FGD4: variants seen among roughly 807,000 people sequenced by gnomAD.
The protein encoded by FGD4 is FYVE, RhoGEF and PH domain-containing protein 4.
In FGD4, 42 loss-of-function variants were observed where a neutral mutation model predicts 102.0. The observed-to-expected ratio is 0.41, with a 90% CI of 0.32 to 0.53. The LOEUF (loss-of-function observed/expected upper bound fraction) is 0.53, where lower values mean the gene tolerates loss of function less well. Ranked by LOEUF, FGD4 falls within the 20% of genes least tolerant of loss-of-function variation. FGD4 has a pLI of 0.21. For synonymous variants in FGD4, 380 were observed against 375.7 expected, an observed-to-expected ratio of 1.01 and a Z score of -0.13; for missense variants, 902 against 1,078.2, an observed-to-expected ratio of 0.84 and a Z score of 2.29.
At chr12:32,538,897 A>G (rs1391235398) in intron 1 of FGD4, among the ~76,000 whole-genome samples, 1 of 152,144 alleles carries the variant, frequency 6.6e-6, no homozygotes, top group Non-Finnish European at 1.5e-5. Context: ...TAGTAAAGAT[A>G]CAAAAAATCA....
chr12:32,617,839 ATCT>A (rs1436684360), intron 10 of FGD4, among the ~76,000 whole-genome samples: 1 of 152,246 alleles, frequency 6.6e-6, no homozygotes, highest in East Asian at 1.9e-4. Flanking sequence ...ATATGACATA[ATCT>A]TCTTTGTAAG....
intron 4 of FGD4, among the ~76,000 whole-genome samples, chr12:32,590,201 A>G (rs529609200): frequency 6.6e-6 from 1 of 150,796 alleles, no homozygotes; most frequent in African/African-American, 2.4e-5. Flanking sequence ...CCAGCTACTC[A>G]GTGGGTGCTG....
At chr12:32,565,254 C>A (rs1945093218) in intron 2 of FGD4, among the ~76,000 whole-genome samples, 1 of 152,020 alleles carries the variant, frequency 6.6e-6, no homozygotes, top group Non-Finnish European at 1.5e-5. Context: ...AATGAATCTT[C>A]TAGATTATGG....
chr12:32,570,839 G>C (rs1945603304), intron 2 of FGD4, among the ~76,000 whole-genome samples: 1 of 152,132 alleles, frequency 6.6e-6, no homozygotes, highest in East Asian at 1.9e-4. Flanking sequence ...GTAAGATCCA[G>C]TTCTTCACAG....
chr12:32,570,807 T>C (rs1174700244), intron 2 of FGD4, among the ~76,000 whole-genome samples: 3 of 152,148 alleles, frequency 2.0e-5, no homozygotes, highest in Non-Finnish European at 4.4e-5. Context: ...TTCCAGATAA[T>C]ACAAAAGTCT....
chr12:32,500,474 C>T (rs1219300188), intron 1 of FGD4, among the ~76,000 whole-genome samples: 1 of 149,796 alleles, frequency 6.7e-6, no homozygotes, highest in African/African-American at 2.5e-5. Flanking sequence ...CACTCTGTTA[C>T]CCAGGCTGGA....
At chr12:32,442,346 C>G (rs1014329410) in intron 1 of FGD4, among the ~76,000 whole-genome samples, 40 of 152,078 alleles carry the variant, frequency 2.6e-4, no homozygotes, top group Non-Finnish European at 8.8e-5. Flanking sequence ...AGCCACTGCG[C>G]CCGGCCAGGA....
intron 2 of FGD4, among the ~76,000 whole-genome samples, chr12:32,573,294 A>C (rs915584506): frequency 1.3e-5 from 2 of 152,268 alleles, no homozygotes; most frequent in African/African-American, 4.8e-5. Context: ...ACGAGGTTTC[A>C]CCGTGTTAGC....
chr12:32,632,116 T>C (rs549970960), intron 14 of FGD4, among the ~76,000 whole-genome samples: 2 of 152,214 alleles, frequency 1.3e-5, no homozygotes, highest in East Asian at 3.8e-4. Context: ...TTTTCTTTAA[T>C]ATAATTTATC....
At chr12:32,552,434 A>ATTTTTT (rs66646521) in intron 1 of FGD4, among the ~76,000 whole-genome samples, 91 of 120,968 alleles carry the variant, frequency 7.5e-4, no homozygotes, top group Middle Eastern at 8.6e-3. Context: ...TAATTTTTGC[A>ATTTTTT]TTTTTTTTTT....
intron 1 of FGD4, among the ~76,000 whole-genome samples, chr12:32,413,852 T>A (rs1191421187): frequency 6.6e-6 from 1 of 152,194 alleles, no homozygotes; most frequent in Non-Finnish European, 1.5e-5. Flanking sequence ...GCAATTGTAT[T>A]CTTTGGGGGT....
At chr12:32,454,638 T>C (rs1942902045) in intron 1 of FGD4, among the ~76,000 whole-genome samples, 1 of 152,172 alleles carries the variant, frequency 6.6e-6, no homozygotes, top group Non-Finnish European at 1.5e-5. Context: ...TCATACTAAA[T>C]GATTGTTTTA....
chr12:32,473,354 C>T (rs950567235), intron 1 of FGD4, among the ~76,000 whole-genome samples: 6 of 120,446 alleles, frequency 5.0e-5, no homozygotes, highest in African/African-American at 1.7e-4. Flanking sequence ...AGCTGTAACA[C>T]TCACCGCGAA....
chr12:32,410,247 G>C (rs939587642), intron 1 of FGD4, among the ~76,000 whole-genome samples: 19 of 151,892 alleles, frequency 1.3e-4, no homozygotes, highest in Admixed American at 1.2e-3. Context: ...AGAATGGCGT[G>C]AACCTGGGAG....
At chr12:32,422,438 A>C (rs1319302263) in intron 1 of FGD4, among the ~76,000 whole-genome samples, 1 of 150,876 alleles carries the variant, frequency 6.6e-6, no homozygotes, top group African/African-American at 2.4e-5. Flanking sequence ...AGCTGGGACT[A>C]CAGGCGCCCG....
At chr12:32,466,151 T>G (rs1161669653) in intron 1 of FGD4, among the ~76,000 whole-genome samples, 1 of 152,198 alleles carries the variant, frequency 6.6e-6, no homozygotes, top group African/African-American at 2.4e-5. Context: ...CAAACTACAG[T>G]GTATTGTAAA....
At chr12:32,414,150 T>G (rs774483664) in intron 1 of FGD4, among the ~76,000 whole-genome samples, 19 of 152,048 alleles carry the variant, frequency 1.2e-4, no homozygotes, top group Non-Finnish European at 2.6e-4. Context: ...TTTTATATTT[T>G]TAGTAGAGAC....
chr12:32,550,107 A>G (rs556813797), intron 1 of FGD4, among the ~76,000 whole-genome samples: 3 of 152,300 alleles, frequency 2.0e-5, no homozygotes, highest in East Asian at 3.9e-4. Context: ...CCCATTAGCC[A>G]TGAGTTACTT....
chr12:32,457,072 G>C (rs563293329), intron 1 of FGD4, among the ~76,000 whole-genome samples: 1 of 152,154 alleles, frequency 6.6e-6, no homozygotes, highest in South Asian at 2.1e-4. Flanking sequence ...CTTGATGAAG[G>C]GATTGAGTTA....
Sources: allele counts gnomAD v4.1 joint callset (sites outside exome capture counted in the v4.1 genomes callset), GRCh38; gene constraint gnomAD v4.1.1; transcripts MANE v1.5; gene names NCBI Gene and HGNC (gene_info 2026-07-23, HGNC 2026-07-21).